Variants in OR5A1 observed in about 807,000 individuals in gnomAD.
OR5A1 encodes the protein olfactory receptor 5A1.
A neutral mutation model predicts 6.7 loss-of-function variants in OR5A1; 6 were observed. That is an observed-to-expected ratio of 0.89 (90% confidence interval 0.49 to 1.76). OR5A1 has a LOEUF of 1.76. OR5A1 is among the 40% of genes most tolerant of loss of function. The probability of loss-of-function intolerance (pLI) is 0.01; values close to 1 mark genes in which losing one functional copy is unlikely to be tolerated. For synonymous variants in OR5A1, 170 were observed against 155.0 expected (o/e 1.10, Z -0.72); for missense variants, 378 against 381.7 (o/e 0.99, Z 0.08).
chr11:59,443,962 C>G lies in OR5A1; in HGVS notation c.794C>G (p.Pro265Arg). 6.2e-7 allele frequency: 1 copy of G among 1,614,076 alleles called. No individual in the cohort carries two copies. Among genetic ancestry groups the G allele is most frequent in the Non-Finnish European group, 8.5e-7 (1 of 1,180,002 alleles). ...FGTALFVYLR[P>R]SSSYLLGRDK... Reference sequence around the variant, plus strand: ...ACAGCCCTTTTCGTGTACTTGCGACCCAGCTCCAGCTACTTGCTAGGCAGG... The same window carrying G: ...ACAGCCCTTTTCGTGTACTTGCGACGCAGCTCCAGCTACTTGCTAGGCAGG... Residue 265 changes from proline to arginine, a missense_variant, in exon 2 of 2, where the codon CCC becomes CGC. Physicochemically the swap from Pro to Arg is moderately radical, Grantham distance 103. Coordinates refer to ENST00000641045, the MANE Select transcript of OR5A1 (RefSeq NM_001004728.2).
chr11:59,443,512 G>T lies in OR5A1; in HGVS notation c.344G>T (p.Cys115Phe). Residue 115 changes from cysteine (C) to phenylalanine (F), a missense_variant, in exon 2 of 2, where the codon TGC (cysteine) becomes TTC (phenylalanine). Physicochemically the swap from Cys to Phe is radical, Grantham distance 205. Coordinates refer to ENST00000641045, the MANE Select transcript of OR5A1 (RefSeq NM_001004728.2). ...FFFVGMGLSE[C>F]LLLTAMAYDR... ...TTTGTCGGCATGGGTCTGTCTGAGT[G>T]CCTCCTCCTGACTGCTATGGCATAC... The T allele has an allele frequency of 6.2e-7, 1 of 1,613,904 alleles. No individual in the cohort carries two copies. Among genetic ancestry groups the T allele is most frequent in the South Asian group, 1.1e-5 (1 of 91,058 alleles).
At chr11:59,442,744 G>C (rs536924042) in intron 1 of OR5A1, among the ~76,000 whole-genome samples, 180 of 152,312 alleles carry the variant, frequency 1.2e-3, no homozygotes, top group African/African-American at 4.3e-3. Flanking sequence ...GAGGCACACA[G>C]AACTGTCCTA....
chr11:59,449,536 G>T lies in OR5A1; in HGVS notation c.*5420G>T, dbSNP rs1423018967. On this transcript the variant is annotated 3_prime_UTR_variant, in exon 2 of 2. Transcript: ENST00000641045. ...AAACTCATTCCATAAACATTACTAA[G>T]CCCCTACCATGTGTAAAAAAATAAT... is the stretch of plus-strand genomic sequence containing the variant. The T allele has an allele frequency of 6.6e-6, 1 of 151,946 alleles. No homozygotes were observed. Among genetic ancestry groups the T allele is most frequent in the East Asian group, 1.9e-4 (1 of 5,194 alleles). The allele number at this position is 151,946 out of a possible 1,614,324, so 9.4% of individuals were successfully genotyped here.
At chr11:59,438,339 T>G (rs1159080146) in intron 1 of OR5A1, among the ~76,000 whole-genome samples, 1 of 152,198 alleles carries the variant, frequency 6.6e-6, no homozygotes, top group Admixed American at 6.5e-5. Flanking sequence ...AAATGTTCAG[T>G]AGCATTTTTT....
At position 59,444,759 on chromosome 11, in the gene OR5A1, CTCCCTGTTGAATTCCAATTATGG is replaced by C. The variant is rs1858528353; in HGVS notation, c.*644_*666del. 1 of 152,186 alleles carries C rather than the reference CTCCCTGTTGAATTCCAATTATGG, an allele frequency of 6.6e-6. No homozygotes were observed. The allele number at this position is 152,186 out of a possible 1,614,324, so 9.4% of individuals were successfully genotyped here. A position where few individuals can be genotyped will look rare whatever the true frequency, so the allele number is the denominator to read the frequency against. ...CCTCATCAAATGCCCTCTCTAGGAT[CTCCCTGTTGAATTCCAATTATGG>C]CTACTGAGTAATTTGCTAAGCAAAT... On this transcript the variant is annotated 3_prime_UTR_variant, in exon 2 of 2. Coordinates refer to ENST00000641045, the MANE Select transcript of OR5A1 (RefSeq NM_001004728.2).
chr11:59,438,224 A>G (rs1858443757), intron 1 of OR5A1, among the ~76,000 whole-genome samples: 1 of 152,222 alleles, frequency 6.6e-6, no homozygotes, highest in African/African-American at 2.4e-5. Flanking sequence ...GTAGTCCTGA[A>G]AAACGGCCTA....
chr11:59,443,540 C>A lies in OR5A1; in HGVS notation c.372C>A (p.Asp124Glu), dbSNP rs1274114584. Residue 124 changes from aspartate to glutamate, a missense_variant, in exon 2 of 2, where the codon GAC becomes GAA. Physicochemically the swap from Asp to Glu is conservative, Grantham distance 45 (BLOSUM62 2). Coordinates refer to ENST00000641045, the MANE Select transcript of OR5A1 (RefSeq NM_001004728.2). Reference protein sequence around the residue: ...ECLLLTAMAYDRYAAISSPLL... With the variant: ...ECLLLTAMAYERYAAISSPLL... The stretch of plus-strand genomic sequence containing the variant: ...TCCTCCTGACTGCTATGGCATACGA[C>A]CGATATGCAGCCATCTCCAGCCCCC... The A allele has an allele frequency of 1.2e-6, 2 of 1,614,022 alleles. No homozygotes were observed. Among genetic ancestry groups the A allele is most frequent in the African/African-American group, 1.3e-5 (1 of 74,984 alleles).
chr11:59,442,914 T>C (rs763982219), intron 1 of OR5A1, among the ~76,000 whole-genome samples: 2 of 152,146 alleles, frequency 1.3e-5, no homozygotes, highest in Non-Finnish European at 2.9e-5. Context: ...GGATTTTGGG[T>C]TCAAAAGTTA....
Position 59,443,392 on chromosome 11 carries a change from GC to G in OR5A1, c.225del (p.Tyr76ThrfsTer43), listed in dbSNP as rs746083169. ...AGCAACTTATCTTTCATTGACATCT[GC>G]TACTCTTCTGCTGTGGCTCCCAATA... is the stretch of plus-strand genomic sequence containing the variant. ...FLSNLSFIDI[C>X]YSSAVAPNML... is the part of the protein sequence containing the mutation. On this transcript the variant is annotated frameshift_variant, in exon 2 of 2. Coordinates refer to ENST00000641045, the MANE Select transcript of OR5A1 (RefSeq NM_001004728.2). LOFTEE classifies it high-confidence loss of function. 26 of 1,613,754 alleles carry G rather than the reference GC, an allele frequency of 1.6e-5. No homozygotes were observed. The highest frequency in any genetic ancestry group is 2.0e-5 in the Non-Finnish European group (24 of 1,180,010).
Position 59,443,575 on chromosome 11 carries a change from C to A in OR5A1, c.407C>A (p.Pro136His). 1 of 1,614,092 alleles carries A rather than the reference C, an allele frequency of 6.2e-7. No homozygotes were observed. Among genetic ancestry groups the A allele is most frequent in the Non-Finnish European group, 8.5e-7 (1 of 1,180,022 alleles). ...GCCATCTCCAGCCCCCTTCTCTACC[C>A]CACTATCATGACCCAGGGCCTCTGT... ...YAAISSPLLY[P>H]TIMTQGLCTR... The change falls in exon 2 of 2, where the codon CCC (proline) becomes CAC (histidine). Residue 136 changes from proline to histidine, a missense_variant. By Grantham distance (77) the Pro-to-His change is moderately conservative. Coordinates refer to ENST00000641045, the MANE Select transcript of OR5A1 (RefSeq NM_001004728.2).
chr11:59,444,284 GCC>G lies in OR5A1; in HGVS notation c.*169_*170del. The G allele has an allele frequency of 4.3e-6, 1 of 235,080 alleles. No individual in the cohort carries two copies. Among genetic ancestry groups the G allele is most frequent in the Non-Finnish European group, 8.0e-6 (1 of 125,702 alleles). The allele number at this position is 235,080 out of a possible 1,614,324, so 14.6% of individuals were successfully genotyped here. On this transcript the variant is annotated 3_prime_UTR_variant, in exon 2 of 2. Coordinates refer to ENST00000641045, the MANE Select transcript of OR5A1 (RefSeq NM_001004728.2). The stretch of plus-strand genomic sequence containing the variant: ...TCATGGTCACTTGTCTACTGACTGT[GCC>G]ATAGATAGCCAAAAAGGGAAGGAAT...
rs1005626168 is a variant in OR5A1 at position 59,445,701 on chromosome 11, T to A, written c.*1585T>A. The A allele has an allele frequency of 6.6e-6, 1 of 152,194 alleles. No homozygotes were observed. Among genetic ancestry groups the A allele is most frequent in the African/African-American group, 2.4e-5 (1 of 41,448 alleles). The allele number at this position is 152,194 out of a possible 1,614,324, so 9.4% of individuals were successfully genotyped here. On this transcript the variant is annotated 3_prime_UTR_variant, in exon 2 of 2. Transcript: ENST00000641045. The stretch of plus-strand genomic sequence containing the variant: ...TTCTTGACTTTTTAATAATTGCCAT[T>A]CTGACTAGCATGAGATGGTATCTCA...
chr11:59,441,643 T>A (rs1049399744), intron 1 of OR5A1, among the ~76,000 whole-genome samples: 1 of 152,196 alleles, frequency 6.6e-6, no homozygotes, highest in Non-Finnish European at 1.5e-5. Flanking sequence ...CTCTTCTGAT[T>A]AATGTGCATT....
Position 59,444,824 on chromosome 11 carries a change from C to T in OR5A1, c.*708C>T, listed in dbSNP as rs1858528931. Reference sequence around the variant, plus strand: ...TAAGCAAATGCTGAAGGACATTCCCCTTGGCTGCCATTTCTCTCTTTCTCA... The same window carrying T: ...TAAGCAAATGCTGAAGGACATTCCCTTTGGCTGCCATTTCTCTCTTTCTCA... On this transcript the variant is annotated 3_prime_UTR_variant, in exon 2 of 2. Coordinates refer to ENST00000641045, the MANE Select transcript of OR5A1 (RefSeq NM_001004728.2). The T allele has an allele frequency of 6.6e-6, 1 of 152,164 alleles. No homozygotes were observed. The allele number at this position is 152,164 out of a possible 1,614,324, so 9.4% of individuals were successfully genotyped here.
At chr11:59,437,785 T>G (rs1015775859) in intron 1 of OR5A1, among the ~76,000 whole-genome samples, 4 of 152,268 alleles carry the variant, frequency 2.6e-5, no homozygotes, top group African/African-American at 9.6e-5. Flanking sequence ...ATCAGTTGAA[T>G]AATTTTCCCA....
intron 1 of OR5A1, among the ~76,000 whole-genome samples, chr11:59,437,956 G>A (rs145265631): frequency 6.6e-6 from 1 of 152,198 alleles, no homozygotes; most frequent in Non-Finnish European, 1.5e-5. Flanking sequence ...CTTCATGAAT[G>A]GGGTAGTGCT....
intron 1 of OR5A1, among the ~76,000 whole-genome samples, chr11:59,440,589 TC>T (rs1374641059): frequency 2.0e-5 from 3 of 152,200 alleles, no homozygotes; most frequent in Non-Finnish European, 2.9e-5. Flanking sequence ...AACACAGACC[TC>T]AGGTTTCTAC....
At chr11:59,440,545 C>T (rs1858469312) in intron 1 of OR5A1, among the ~76,000 whole-genome samples, 2 of 152,194 alleles carry the variant, frequency 1.3e-5, no homozygotes, top group South Asian at 4.1e-4. Context: ...TTTCTTCTAA[C>T]CTGAATGGGT....
intron 1 of OR5A1, among the ~76,000 whole-genome samples, chr11:59,440,370 C>T (rs527774031): frequency 6.6e-6 from 1 of 152,228 alleles, no homozygotes; most frequent in Non-Finnish European, 1.5e-5. Flanking sequence ...CCACACCTGG[C>T]TAGTAGTCAC....
Sources: gnomAD v4.1 joint callset for allele counts (sites outside exome capture counted in the v4.1 genomes callset) on GRCh38, gnomAD v4.1.1 for gene constraint, MANE v1.5 for transcripts, NCBI Gene and HGNC (gene_info 2026-07-23, HGNC 2026-07-21) for gene names.